NPAS3: variants seen among roughly 807,000 people sequenced by gnomAD.
NPAS3 encodes the protein neuronal PAS domain-containing protein 3.
NPAS3 carries 14 observed loss-of-function variants against 73.1 expected under a neutral mutation model. That is an observed-to-expected ratio of 0.19 (90% confidence interval 0.13 to 0.30). The LOEUF is 0.30. Among genes scored for constraint, NPAS3 ranks in the 10% least tolerant of loss-of-function variants. NPAS3 has a pLI of 1.00. For missense variants in NPAS3, 1,096 were observed against 1,250.0 expected (o/e 0.88, Z 1.86); for synonymous variants, 620 against 541.5 (o/e 1.14, Z -2.01).
chr14:33,186,745 T>G (rs943009490), intron 2 of NPAS3, among the ~76,000 whole-genome samples: 4 of 152,200 alleles, frequency 2.6e-5, no homozygotes, highest in Non-Finnish European at 4.4e-5. Flanking sequence ...TGTTGAATTT[T>G]TTTGTTTAGT....
At chr14:33,735,402 C>G in intron 7 of NPAS3, 70 bp downstream of exon 7, 10 of 1,094,556 alleles carry the variant, frequency 9.1e-6, no homozygotes, top group Non-Finnish European at 1.4e-5. Context: ...TTGAATTTTC[C>G]AGCTGCTTTA....
chr14:33,477,151 A>G (rs762953617), intron 4 of NPAS3, among the ~76,000 whole-genome samples: 6 of 152,002 alleles, frequency 3.9e-5, no homozygotes, highest in Non-Finnish European at 8.8e-5. Context: ...TAATAATTTC[A>G]GCTTCTTTTG....
At chr14:33,013,049 CT>C (rs779381216) in intron 1 of NPAS3, among the ~76,000 whole-genome samples, 8 of 152,118 alleles carry the variant, frequency 5.3e-5, no homozygotes, top group Non-Finnish European at 1.2e-4. Flanking sequence ...TCCAAACAGT[CT>C]TCTCCACTGG....
At chr14:33,626,261 A>G (rs1319484260) in intron 5 of NPAS3, among the ~76,000 whole-genome samples, 3 of 152,154 alleles carry the variant, frequency 2.0e-5, no homozygotes, top group African/African-American at 7.2e-5. Context: ...TTTGCATAAA[A>G]TTTACCTTTA....
chr14:33,300,526 C>T (rs76545537), intron 3 of NPAS3, among the ~76,000 whole-genome samples: 110 of 152,338 alleles, frequency 7.2e-4, no homozygotes, highest in Non-Finnish European at 1.4e-3. Flanking sequence ...TAAAGTGACA[C>T]TGCAAAGCAA....
At chr14:33,617,547 T>C (rs1015798187) in intron 5 of NPAS3, among the ~76,000 whole-genome samples, 1 of 152,188 alleles carries the variant, frequency 6.6e-6, no homozygotes, top group African/African-American at 2.4e-5. Context: ...TATATCTCTC[T>C]TGCTTCCAAA....
chr14:33,315,221 C>A (rs1396182025), intron 3 of NPAS3, among the ~76,000 whole-genome samples: 6 of 151,954 alleles, frequency 3.9e-5, no homozygotes, highest in Non-Finnish European at 5.9e-5. Context: ...AAATGTTTAT[C>A]TGGAATTTAT....
chr14:33,697,602 C>A (rs2060418779), intron 6 of NPAS3, among the ~76,000 whole-genome samples: 1 of 152,166 alleles, frequency 6.6e-6, no homozygotes, highest in Admixed American at 6.5e-5. Context: ...TCAGATTGAA[C>A]CTTTAATCAA....
chr14:33,560,054 C>A, intron 4 of NPAS3, 67 bp from the exon 5 acceptor site: 1 of 681,080 alleles, frequency 1.5e-6, no homozygotes, highest in Non-Finnish European at 2.5e-6. Context: ...TCTCAGTTGC[C>A]TTACTAATTA....
At chr14:33,458,656 GCTGT>G (rs2050123908) in intron 4 of NPAS3, among the ~76,000 whole-genome samples, 1 of 152,172 alleles carries the variant, frequency 6.6e-6, no homozygotes, top group Non-Finnish European at 1.5e-5. Context: ...TTGCAGTTGT[GCTGT>G]CTATCGTTCT....
Position 33,634,800 on chromosome 14 carries a change from A to T in NPAS3, c.559-41411A>T, listed in dbSNP as rs538592951. 6.6e-5 allele frequency among the ~76,000 whole-genome samples: 10 copies of T among 152,330 alleles called. No individual in the cohort carries two copies. In the South Asian group the frequency reaches 1.9e-3, roughly 28 times the overall value. On this transcript the variant is annotated intron_variant, in intron 5 of 11. Transcript: ENST00000356141. Reference sequence around the variant, plus strand: ...GGAATGTCCACGGCTGTGAATCATCAGTCTTGCTATTAGCCAAAGCCACAG... The same window carrying T: ...GGAATGTCCACGGCTGTGAATCATCTGTCTTGCTATTAGCCAAAGCCACAG...
At chr14:33,770,510 TA>T (rs1411259034) in intron 7 of NPAS3, among the ~76,000 whole-genome samples, 1 of 152,224 alleles carries the variant, frequency 6.6e-6, no homozygotes, top group Non-Finnish European at 1.5e-5. Flanking sequence ...AGGACAGATT[TA>T]CATTTGATTT....
At chr14:33,402,181 A>G (rs1269297972) in intron 4 of NPAS3, among the ~76,000 whole-genome samples, 1 of 151,948 alleles carries the variant, frequency 6.6e-6, no homozygotes, top group Non-Finnish European at 1.5e-5. Flanking sequence ...TGCTTTCCTG[A>G]CACCTGAGGT....
chr14:33,654,284 A>G (rs1264109922), intron 5 of NPAS3, among the ~76,000 whole-genome samples: 1 of 152,150 alleles, frequency 6.6e-6, no homozygotes, highest in Non-Finnish European at 1.5e-5. Context: ...TTTCACAGCT[A>G]TATCAATAAA....
At chr14:33,165,790 G>A (rs1056158999) in intron 2 of NPAS3, among the ~76,000 whole-genome samples, 4 of 151,716 alleles carry the variant, frequency 2.6e-5, no homozygotes, top group Non-Finnish European at 5.9e-5. Context: ...AAACAAAACT[G>A]TCAAGCACAG....
Position 33,210,796 on chromosome 14 carries a change from C to CA in NPAS3, c.141-4379dup, listed in dbSNP as rs532699723. 1.0e-3 allele frequency among the ~76,000 whole-genome samples: 154 copies of CA among 151,996 alleles called. 1 individual carries two copies. The highest frequency in any genetic ancestry group is 3.6e-3 in the African/African-American group (150 of 41,448). ...AAAAAAGGCTCCTTATGATCCTGCA[C>CA]AAAAAAATTTATAAATCTTTAAGCA... On this transcript the variant is annotated intron_variant, in intron 2 of 11. Coordinates refer to ENST00000356141, the Ensembl canonical transcript of NPAS3.
intron 3 of NPAS3, among the ~76,000 whole-genome samples, chr14:33,217,167 A>G (rs1431188765): frequency 6.6e-6 from 1 of 152,076 alleles, no homozygotes; most frequent in Non-Finnish European, 1.5e-5. Context: ...AAACCATCAG[A>G]TCTCGTGAGA....
chr14:33,150,946 A>G (rs1248568941), intron 2 of NPAS3, among the ~76,000 whole-genome samples: 1 of 152,216 alleles, frequency 6.6e-6, no homozygotes, highest in African/African-American at 2.4e-5. Context: ...TCTATATCCT[A>G]TTGATTGCGG....
chr14:33,246,524 C>T (rs1291586049), intron 3 of NPAS3, among the ~76,000 whole-genome samples: 3 of 113,906 alleles, frequency 2.6e-5, no homozygotes, highest in African/African-American at 6.7e-5. Flanking sequence ...TGGGCAACAG[C>T]GAGACTTCAT....
Sources: gnomAD v4.1 joint callset for allele counts (sites outside exome capture counted in the v4.1 genomes callset) on GRCh38, gnomAD v4.1.1 for gene constraint, MANE v1.5 for transcripts, NCBI Gene and HGNC (gene_info 2026-07-23, HGNC 2026-07-21) for gene names.